UBE4B: variants seen among roughly 807,000 people sequenced by gnomAD.
UBE4B encodes the protein ubiquitination factor E4B.
UBE4B carries 27 observed loss-of-function variants against 148.1 expected under a neutral mutation model. That is an observed-to-expected ratio of 0.18 (90% CI 0.13 to 0.25). UBE4B has a LOEUF of 0.25. UBE4B is among the 10% of genes least tolerant of loss of function. UBE4B has a pLI of 1.00. For missense variants in UBE4B, 1,170 were observed against 1,662.4 expected (o/e 0.70, Z 5.15); for synonymous variants, 596 against 619.3 (o/e 0.96, Z 0.56).
At chr1:10,120,762 C>T (rs1200000519) in intron 9 of UBE4B, among the ~76,000 whole-genome samples, 1 of 151,876 alleles carries the variant, frequency 6.6e-6, no homozygotes, top group Non-Finnish European at 1.5e-5. Flanking sequence ...TGCTTGAACC[C>T]GGGAGGTGGA....
chr1:10,163,203 C>G (rs1173348955), intron 23 of UBE4B: 1 of 152,074 alleles, frequency 6.6e-6, no homozygotes, highest in Non-Finnish European at 1.5e-5. Flanking sequence ...AGAGCTGGAT[C>G]TACAAGCATG....
At chr1:10,134,873 A>C (rs1326399691) in intron 15 of UBE4B, 115 bp from the exon 16 acceptor site, 2 of 798,722 alleles carry the variant, frequency 2.5e-6, no homozygotes, top group African/African-American at 3.5e-5. Context: ...TGGGAGGTGG[A>C]GGTTGCAGCC....
At chr1:10,107,226 T>C in intron 7 of UBE4B, 1 of 1,289,664 alleles carries the variant, frequency 7.8e-7, no homozygotes, top group African/African-American at 1.5e-5. Flanking sequence ...TGGTAGTATG[T>C]ACGACAATCC....
At chr1:10,148,078 T>C (rs1030120641) in intron 19 of UBE4B, among the ~76,000 whole-genome samples, 2 of 151,956 alleles carry the variant, frequency 1.3e-5, no homozygotes, top group African/African-American at 4.8e-5. Context: ...ATACAAAAAA[T>C]TAGCTGGGCG....
chr1:10,090,455 C>T (rs1284993086), intron 2 of UBE4B, among the ~76,000 whole-genome samples: 1 of 152,134 alleles, frequency 6.6e-6, no homozygotes, highest in African/African-American at 2.4e-5. Flanking sequence ...CTGTTTCTAA[C>T]AGGCGAGGAG....
At chr1:10,084,365 G>C (rs568609467) in intron 2 of UBE4B, among the ~76,000 whole-genome samples, 95 of 152,212 alleles carry the variant, frequency 6.2e-4, no homozygotes, top group Non-Finnish European at 1.0e-3. Flanking sequence ...GCAAGGTGCT[G>C]TATCATCATG....
chr1:10,112,463 G>A (rs1020769339), intron 7 of UBE4B, among the ~76,000 whole-genome samples: 2 of 152,114 alleles, frequency 1.3e-5, no homozygotes, highest in Non-Finnish European at 2.9e-5. Flanking sequence ...GCAGTGGCGC[G>A]ATCTCAGCTC....
At chr1:10,056,905 C>T (rs1404225598) in intron 1 of UBE4B, among the ~76,000 whole-genome samples, 1 of 152,164 alleles carries the variant, frequency 6.6e-6, no homozygotes, top group African/African-American at 2.4e-5. Context: ...TGGCTCACTG[C>T]AGCCTCAGCC....
At chr1:10,092,560 G>T (rs1183618697) in intron 2 of UBE4B, among the ~76,000 whole-genome samples, 1 of 151,284 alleles carries the variant, frequency 6.6e-6, no homozygotes, top group Admixed American at 6.6e-5. Flanking sequence ...AGGCACCGTG[G>T]CTTATGCCTG....
intron 1 of UBE4B, among the ~76,000 whole-genome samples, chr1:10,062,951 C>T (rs1327219871): frequency 6.2e-5 from 9 of 144,312 alleles, no homozygotes; most frequent in Non-Finnish European, 1.4e-4. Flanking sequence ...AGTGAAACTC[C>T]GTCTCAAAAA....
chr1:10,157,241 G>A (rs1295784664), intron 21 of UBE4B, among the ~76,000 whole-genome samples: 2 of 151,992 alleles, frequency 1.3e-5, no homozygotes, highest in African/African-American at 4.8e-5. Context: ...GGCTGGTCTC[G>A]AACTCCTGGC....
chr1:10,124,575 A>G (rs1645461977), intron 10 of UBE4B, among the ~76,000 whole-genome samples: 2 of 152,148 alleles, frequency 1.3e-5, no homozygotes, highest in South Asian at 2.1e-4. Context: ...ATGTGCTACC[A>G]TGTGTTTTAT....
intron 25 of UBE4B, among the ~76,000 whole-genome samples, chr1:10,172,413 G>C (rs181130884): frequency 6.6e-6 from 1 of 152,316 alleles, no homozygotes; most frequent in East Asian, 1.9e-4. Context: ...TGAGGAAAGA[G>C]GCACAGAGAG....
chr1:10,147,612 C>T (rs1262995746), intron 19 of UBE4B, among the ~76,000 whole-genome samples: 1 of 152,166 alleles, frequency 6.6e-6, no homozygotes, highest in African/African-American at 2.4e-5. Flanking sequence ...ATGTCAACAC[C>T]TGTTATTTTA....
chr1:10,074,809 C>G (rs1644550722), intron 2 of UBE4B, among the ~76,000 whole-genome samples: 1 of 152,214 alleles, frequency 6.6e-6, no homozygotes, highest in South Asian at 2.1e-4. Flanking sequence ...TCCTTTCCAT[C>G]CAGCTTTATT....
chr1:10,072,062 G>T lies in UBE4B; in HGVS notation c.59G>T (p.Gly20Val). 6.2e-7 allele frequency: 1 copy of T among 1,610,040 alleles called. No homozygotes were observed. The highest frequency in any genetic ancestry group is 8.5e-7 in the Non-Finnish European group (1 of 1,178,502). Reference protein sequence around the residue: ...RRRRLARLAGGQTSQPTTPLT... With the variant: ...RRRRLARLAGVQTSQPTTPLT... ...AGGCGCCTTGCACGACTTGCTGGTG[G>T]ACAGACCTCTCAGCCAACCACCCCA... The change falls in exon 2 of 28, where the codon GGA (glycine) becomes GTA (valine). Residue 20 changes from glycine to valine, a missense_variant. Physicochemically the swap from Gly to Val is moderately radical, Grantham distance 109. Coordinates refer to ENST00000343090, the MANE Select transcript of UBE4B (RefSeq NM_001105562.3).
At chr1:10,068,585 G>A (rs558334621) in intron 1 of UBE4B, among the ~76,000 whole-genome samples, 2 of 151,022 alleles carry the variant, frequency 1.3e-5, no homozygotes, top group East Asian at 2.0e-4. Flanking sequence ...TCCTGACCTC[G>A]GGCCATCTGC....
At position 10,130,395 on chromosome 1, in the gene UBE4B, T is replaced by A. The variant is rs1222171150; in HGVS notation, c.1696-105T>A. 3 of 1,018,694 alleles carry A rather than the reference T, an allele frequency of 2.9e-6. No homozygotes were observed. The Admixed American group carries it at 6.0e-5, about 21-fold the overall frequency. The allele number at this position is 1,018,694 out of a possible 1,614,324, so 63.1% of individuals were successfully genotyped here. ...CATGCCTGGCTGAAACATAAAAGTTTTAATAATATCTTGTGAAAATACAGA... is the reference window on the plus strand; with the variant it reads ...CATGCCTGGCTGAAACATAAAAGTTATAATAATATCTTGTGAAAATACAGA... On this transcript the variant is annotated intron_variant, in intron 12 of 27. Coordinates refer to ENST00000343090, the MANE Select transcript of UBE4B (RefSeq NM_001105562.3).
intron 1 of UBE4B, among the ~76,000 whole-genome samples, chr1:10,068,967 T>C (rs565575007): frequency 6.6e-6 from 1 of 152,354 alleles, no homozygotes; most frequent in Admixed American, 6.5e-5. Flanking sequence ...CTACTCCTTC[T>C]GTCATGTATG....
Sources: gnomAD v4.1 joint callset for allele counts (sites outside exome capture counted in the v4.1 genomes callset) on GRCh38, gnomAD v4.1.1 for gene constraint, MANE v1.5 for transcripts, NCBI Gene and HGNC (gene_info 2026-07-23, HGNC 2026-07-21) for gene names.